OGFOD3: variants seen among roughly 807,000 people sequenced by gnomAD.
OGFOD3 encodes 2-oxoglutarate and iron dependent oxygenase domain containing 3, also known as 2-oxoglutarate and iron-dependent oxygenase domain-containing protein 3.
A neutral mutation model predicts 39.8 loss-of-function variants in OGFOD3; 35 were observed. That is an observed-to-expected ratio of 0.88 (90% confidence interval 0.67 to 1.17). OGFOD3 has a LOEUF of 1.17. Among genes scored for constraint, OGFOD3 ranks in the 50% most tolerant of loss-of-function variants. The pLI, the probability that OGFOD3 is intolerant of heterozygous loss-of-function variation, is 0.00. For missense variants in OGFOD3, 438 were observed against 454.5 expected, an observed-to-expected ratio of 0.96 and a Z score of 0.33; for synonymous variants, 200 against 192.0, an observed-to-expected ratio of 1.04 and a Z score of -0.34.
At chr17:82,395,257 C>T (rs2052653642) in intron 8 of OGFOD3, among the ~76,000 whole-genome samples, 1 of 152,094 alleles carries the variant, frequency 6.6e-6, no homozygotes, top group South Asian at 2.1e-4. Flanking sequence ...GTCTTGAACT[C>T]CCGAGCTCAA....
intron 4 of OGFOD3, among the ~76,000 whole-genome samples, chr17:82,407,252 C>T (rs1455307809): frequency 3.4e-5 from 5 of 148,228 alleles, no homozygotes; most frequent in African/African-American, 9.9e-5. Context: ...GCTACAAGAG[C>T]GAAACTCCAT....
chr17:82,418,043 C>A (rs1183283814), intron 1 of OGFOD3, among the ~76,000 whole-genome samples: 1 of 152,208 alleles, frequency 6.6e-6, no homozygotes, highest in Non-Finnish European at 1.5e-5. Context: ...GGCGGAGGCA[C>A]GCTCCTGGCT....
chr17:82,407,884 T>C (rs1476342973), intron 4 of OGFOD3, among the ~76,000 whole-genome samples: 1 of 152,220 alleles, frequency 6.6e-6, no homozygotes, highest in African/African-American at 2.4e-5. Flanking sequence ...GGTTCACACC[T>C]GTAATCCCAG....
At chr17:82,394,738 A>G (rs1004316243) in intron 8 of OGFOD3, among the ~76,000 whole-genome samples, 5 of 152,174 alleles carry the variant, frequency 3.3e-5, no homozygotes, top group African/African-American at 1.2e-4. Flanking sequence ...GATGGTCCAC[A>G]CTGACAGTGT....
chr17:82,394,947 C>G (rs1452864324), intron 8 of OGFOD3, among the ~76,000 whole-genome samples: 1 of 152,242 alleles, frequency 6.6e-6, no homozygotes, highest in African/African-American at 2.4e-5. Context: ...TGACCCAACT[C>G]CGGGAGAAGA....
chr17:82,397,584 C>G (rs2052696224), intron 8 of OGFOD3, among the ~76,000 whole-genome samples: 3 of 152,122 alleles, frequency 2.0e-5, no homozygotes, highest in African/African-American at 4.8e-5. Flanking sequence ...CCCTCCCACC[C>G]CAGGATCTGG....
At chr17:82,411,986 C>G (rs367702891) in intron 2 of OGFOD3, among the ~76,000 whole-genome samples, 2 of 150,836 alleles carry the variant, frequency 1.3e-5, no homozygotes. Context: ...GGGGAACCCT[C>G]CTGAGACCAC....
At position 82,415,669 on chromosome 17, in the gene OGFOD3, AG is replaced by A. The variant is rs1299697019; in HGVS notation, c.75-43del. 19 of 1,535,490 alleles carry A rather than the reference AG, an allele frequency of 1.2e-5. No individual in the cohort carries two copies. Among genetic ancestry groups the A allele is most frequent in the Non-Finnish European group, 1.7e-5 (19 of 1,130,118 alleles). On this transcript the variant is annotated intron_variant, in intron 1 of 8. Transcript: ENST00000313056. The surrounding 1 kb of genome is among the most constrained non-coding windows in gnomAD (Gnocchi z 5.3). ...GGCCACGTCACCCAAACACGGAGTG[AG>A]GCCAGAGAAAACGCTCCCCGATCAT...
At chr17:82,394,074 C>G (rs2052633332) in intron 8 of OGFOD3, among the ~76,000 whole-genome samples, 1 of 149,942 alleles carries the variant, frequency 6.7e-6, no homozygotes, top group African/African-American at 2.5e-5. Flanking sequence ...ACTGCAAGCT[C>G]TGCCTCCTGG....
intron 3 of OGFOD3, among the ~76,000 whole-genome samples, chr17:82,409,873 C>A (rs1374836816): frequency 6.6e-6 from 1 of 151,930 alleles, no homozygotes; most frequent in Non-Finnish European, 1.5e-5. Context: ...CCAGCCTGGA[C>A]AACAAAGCAA....
intron 1 of OGFOD3, among the ~76,000 whole-genome samples, chr17:82,416,230 C>T (rs1308395957): frequency 6.6e-6 from 1 of 152,164 alleles, no homozygotes; most frequent in Non-Finnish European, 1.5e-5. Context: ...GAGCAAAACT[C>T]CATCTCAATA....
At chr17:82,403,778 G>T in intron 7 of OGFOD3, 159 bp downstream of exon 7, 3 of 960,152 alleles carry the variant, frequency 3.1e-6, no homozygotes, top group South Asian at 3.0e-5. Flanking sequence ...CCCTGCCCAC[G>T]TGCGTACTCA....
At chr17:82,403,698 GC>G (rs1268525249) in intron 7 of OGFOD3, among the ~76,000 whole-genome samples, 2 of 152,192 alleles carry the variant, frequency 1.3e-5, no homozygotes, top group African/African-American at 4.8e-5. Flanking sequence ...GTGGTAGGTA[GC>G]CCCAGGCCAC....
In OGFOD3 at chr17:82,406,747, G is replaced by A. The variant is rs564663814; in HGVS notation, c.424-265C>T. ...CACCCTCTGCCTCCCAAGTAAAGGC[G>A]CTCGCCACCACACCTGGCTAATTTT... On this transcript the variant is annotated intron_variant, in intron 4 of 8. Transcript: ENST00000313056. The surrounding 1 kb of genome is among the most constrained non-coding windows in gnomAD (Gnocchi z 5.2). Among the ~76,000 whole-genome samples the A allele has an allele frequency of 5.3e-5, 8 of 152,182 alleles. No homozygotes were observed. Among genetic ancestry groups the A allele is most frequent in the South Asian group, 4.2e-4 (2 of 4,816 alleles).
intron 4 of OGFOD3, among the ~76,000 whole-genome samples, chr17:82,407,695 G>A (rs572488790): frequency 2.0e-5 from 3 of 152,196 alleles, no homozygotes; most frequent in East Asian, 1.9e-4. Flanking sequence ...GCTTGGGCCC[G>A]CTGAACAGTA....
At chr17:82,403,794 C>A in intron 7 of OGFOD3, 143 bp downstream of exon 7, 3 of 1,056,946 alleles carry the variant, frequency 2.8e-6, no homozygotes, top group Non-Finnish European at 2.8e-6. Context: ...ACTCACCCTG[C>A]CCACGTACGC....
At position 82,389,412 on chromosome 17, in the gene OGFOD3, G is replaced by C. The variant is rs1223981017; in HGVS notation, c.*2986C>G. ...CACCCGACACTTTCATCAGGTTCAC[G>C]AGCACTTCTTGGGCAAAGCCCAGGG... On this transcript the variant is annotated 3_prime_UTR_variant, in exon 9 of 9. Coordinates refer to ENST00000313056, the MANE Select transcript of OGFOD3 (RefSeq NM_024648.3). This position sits in a 1 kb window ranked among gnomAD's most constrained non-coding sequence, Gnocchi z 4.6. The C allele has an allele frequency of 6.6e-6, 1 of 152,192 alleles. No individual in the cohort carries two copies. Among genetic ancestry groups the C allele is most frequent in the African/African-American group, 2.4e-5 (1 of 41,436 alleles). The allele number at this position is 152,192 out of a possible 1,614,324, so 9.4% of individuals were successfully genotyped here.
chr17:82,395,044 A>G (rs2052650991), intron 8 of OGFOD3, among the ~76,000 whole-genome samples: 2 of 152,130 alleles, frequency 1.3e-5, no homozygotes, highest in Non-Finnish European at 2.9e-5. Flanking sequence ...GTTTTTGTTT[A>G]GACAGGGTTT....
At chr17:82,417,875 GAGA>G (rs2053094080) in intron 1 of OGFOD3, among the ~76,000 whole-genome samples, 1 of 152,130 alleles carries the variant, frequency 6.6e-6, no homozygotes, top group Non-Finnish European at 1.5e-5. Context: ...TCAAGCAAGC[GAGA>G]AGCTGTATTC....
Sources: allele counts gnomAD v4.1 joint callset (sites outside exome capture counted in the v4.1 genomes callset), GRCh38; gene constraint gnomAD v4.1.1; non-coding constraint Gnocchi (gnomAD v3.1); transcripts MANE v1.5; gene names NCBI Gene and HGNC (gene_info 2026-07-23, HGNC 2026-07-21).